Variants in TMPRSS2 observed in about 807,000 individuals in gnomAD.
TMPRSS2 encodes transmembrane serine protease 2, also known as transmembrane protease serine 2.
A neutral mutation model predicts 67.4 loss-of-function variants in TMPRSS2; 59 were observed. That is an observed-to-expected ratio of 0.88 (90% CI 0.71 to 1.09). The LOEUF (loss-of-function observed/expected upper bound fraction) is 1.09. Ranked by LOEUF, TMPRSS2 falls within the 50% of genes least tolerant of loss-of-function variation. The probability of loss-of-function intolerance (pLI) is 0.00; values close to 1 mark genes in which losing one functional copy is unlikely to be tolerated. For missense variants in TMPRSS2, 668 were observed against 642.7 expected (o/e 1.04, Z -0.43); for synonymous variants, 257 against 257.0 (o/e 1.00, Z 0.00).
intron 1 of TMPRSS2, among the ~76,000 whole-genome samples, chr21:41,499,522 A>G (rs975897071): frequency 2.0e-5 from 3 of 152,184 alleles, no homozygotes; most frequent in African/African-American, 7.2e-5. Context: ...CCACCGTGCC[A>G]CAGGTGATGT....
intron 3 of TMPRSS2, among the ~76,000 whole-genome samples, chr21:41,490,533 G>A (rs1313906700): frequency 6.6e-6 from 1 of 152,238 alleles, no homozygotes; most frequent in African/African-American, 2.4e-5. Context: ...GCTGGACAGC[G>A]CCAGTGCAGG....
intron 1 of TMPRSS2, chr21:41,502,640 A>C (rs2091431871): frequency 1.0e-6 from 1 of 960,210 alleles, no homozygotes. Context: ...GATAGAATGC[A>C]TGACTAAATG....
chr21:41,477,213 C>T (rs770033397), intron 7 of TMPRSS2, among the ~76,000 whole-genome samples: 52 of 152,274 alleles, frequency 3.4e-4, no homozygotes, highest in Non-Finnish European at 5.4e-4. Context: ...GCCCTGATAG[C>T]TGGGCCGTGT....
intron 4 of TMPRSS2, 41 bp downstream of exon 4, chr21:41,489,466 C>A (rs1456194556): frequency 1.9e-6 from 3 of 1,565,904 alleles, no homozygotes; most frequent in East Asian, 2.2e-5. Context: ...GCACTGGGGA[C>A]TGCAGGAGCA....
chr21:41,476,342 T>C (rs1329723074), intron 8 of TMPRSS2, among the ~76,000 whole-genome samples: 2 of 152,176 alleles, frequency 1.3e-5, no homozygotes, highest in African/African-American at 4.8e-5. Context: ...GTCAGCTTCT[T>C]GAGCGTGCCT....
chr21:41,496,330 T>C (rs140625413), intron 2 of TMPRSS2, among the ~76,000 whole-genome samples: 112 of 152,376 alleles, frequency 7.4e-4, no homozygotes, highest in African/African-American at 2.5e-3. Context: ...ATATAAGGAA[T>C]GTATCGTCAT....
At chr21:41,505,945 G>A (rs545149163) in intron 1 of TMPRSS2, among the ~76,000 whole-genome samples, 22 of 152,318 alleles carry the variant, frequency 1.4e-4, no homozygotes, top group African/African-American at 5.3e-4. Context: ...CAGGTTACAA[G>A]ATCTTGGACA....
chr21:41,466,258 A>C (rs927855528), intron 13 of TMPRSS2, 105 bp from the exon 14 acceptor site: 1 of 1,127,058 alleles, frequency 8.9e-7, no homozygotes, highest in African/African-American at 1.5e-5. Flanking sequence ...AAACCAAATA[A>C]GCAAGCTTAA....
At chr21:41,483,212 CTGTT>C (rs1426616417) in intron 5 of TMPRSS2, among the ~76,000 whole-genome samples, 2 of 152,150 alleles carry the variant, frequency 1.3e-5, no homozygotes, top group Non-Finnish European at 2.9e-5. Context: ...GCTGCCCTGT[CTGTT>C]TCATTTTCTG....
At chr21:41,479,974 C>T (rs978504206) in intron 6 of TMPRSS2, among the ~76,000 whole-genome samples, 4 of 152,166 alleles carry the variant, frequency 2.6e-5, no homozygotes, top group African/African-American at 9.7e-5. Flanking sequence ...GCAGGAATGA[C>T]ATTTTTTAAG....
At position 41,473,335 on chromosome 21, in the gene TMPRSS2, A is replaced by T. The variant is rs2091151533; in HGVS notation, c.889T>A (p.Cys297Ser). The T allele has an allele frequency of 6.3e-7, 1 of 1,599,718 alleles. No homozygotes were observed. The highest frequency in any genetic ancestry group is 8.5e-7 in the Non-Finnish European group (1 of 1,173,248). Residue 297 changes from cysteine (C) to serine (S), a missense_variant, in exon 9 of 14, where the codon TGC becomes AGC. Physicochemically the swap from Cys to Ser is moderately radical, Grantham distance 112. Transcript: ENST00000332149. ...CCGCCCCTGGCATACTTTTCCACGC[A>T]GTGGGCGGCTGTCACGATCCACTCG... ...TPEWIVTAAH[C>S]VEKPLNNPWH...
chr21:41,497,975 T>C, intron 2 of TMPRSS2, 144 bp downstream of exon 2: 2 of 632,362 alleles, frequency 3.2e-6, no homozygotes, highest in South Asian at 4.0e-5. Flanking sequence ...TCACTCTTTC[T>C]AGAGGGTGCC....
intron 1 of TMPRSS2, chr21:41,502,470 A>G (rs2091431032): frequency 1.0e-6 from 1 of 985,432 alleles, no homozygotes; most frequent in Non-Finnish European, 1.2e-6. Flanking sequence ...GGGAACAGAC[A>G]GCCTCAGACT....
intron 8 of TMPRSS2, 148 bp downstream of exon 8, chr21:41,476,429 G>GAA: frequency 1.4e-6 from 1 of 729,758 alleles, no homozygotes; most frequent in Non-Finnish European, 2.3e-6. Context: ...GAGCTCCTTG[G>GAA]AAAGAGCGAG....
intron 3 of TMPRSS2, among the ~76,000 whole-genome samples, chr21:41,493,083 C>G (rs951813593): frequency 1.3e-5 from 2 of 152,190 alleles, no homozygotes; most frequent in Non-Finnish European, 2.9e-5. Flanking sequence ...GCAGCACCCC[C>G]TCCCCACTTG....
intron 3 of TMPRSS2, among the ~76,000 whole-genome samples, chr21:41,493,174 C>T (rs2091351710): frequency 6.6e-6 from 1 of 152,140 alleles, no homozygotes; most frequent in Non-Finnish European, 1.5e-5. Context: ...CTGGCCTTGA[C>T]CTACCCAACC....
chr21:41,490,126 C>A (rs1351782777), intron 3 of TMPRSS2, among the ~76,000 whole-genome samples: 3 of 133,606 alleles, frequency 2.2e-5, no homozygotes, highest in Admixed American at 1.6e-4. Flanking sequence ...CCAGCCTGGG[C>A]GACAGAGCAA....
chr21:41,492,611 A>G (rs913418906), intron 3 of TMPRSS2, among the ~76,000 whole-genome samples: 7 of 152,250 alleles, frequency 4.6e-5, no homozygotes, highest in Admixed American at 4.6e-4. Flanking sequence ...GGTAAGTTCA[A>G]TTAAATTACT....
At position 41,488,456 on chromosome 21, in the gene TMPRSS2, T is replaced by C. The variant is rs765293464; in HGVS notation, c.383A>G (p.Asn128Ser). 1.2e-6 allele frequency: 2 copies of C among 1,613,592 alleles called. No individual in the cohort carries two copies. Among genetic ancestry groups the C allele is most frequent in the African/African-American group, 1.3e-5 (1 of 74,840 alleles). The change falls in exon 5 of 14, where the codon AAC becomes AGC. Residue 128 changes from asparagine to serine, a missense_variant. Transcript: ENST00000332149. ...IECDSSGTCI[N>S]PSNWCDGVSH... Reference sequence around the variant, plus strand: ...CACGCCATCACACCAGTTAGAGGGGTTGATGCAGGTACCTGAGGAGTCGCA... The same window carrying C: ...CACGCCATCACACCAGTTAGAGGGGCTGATGCAGGTACCTGAGGAGTCGCA...
Sources: allele counts gnomAD v4.1 joint callset (sites outside exome capture counted in the v4.1 genomes callset), GRCh38; gene constraint gnomAD v4.1.1; transcripts MANE v1.5; gene names NCBI Gene and HGNC (gene_info 2026-07-23, HGNC 2026-07-21).